Variants in NEDD4L observed in about 807,000 individuals in gnomAD.
The protein encoded by NEDD4L is E3 ubiquitin-protein ligase NEDD4-like.
In NEDD4L, 54 loss-of-function variants were observed where a neutral mutation model predicts 148.9. The ratio of observed to expected loss-of-function variants is 0.36; its 90% CI spans 0.29 to 0.45. NEDD4L has a LOEUF of 0.45. NEDD4L is among the 20% of genes least tolerant of loss of function. The probability of loss-of-function intolerance (pLI) is 1.00; values close to 1 mark genes in which losing one functional copy is unlikely to be tolerated. For missense variants in NEDD4L, 856 were observed against 1,233.8 expected, an observed-to-expected ratio of 0.69 and a Z score of 4.59; for synonymous variants, 433 against 440.7, an observed-to-expected ratio of 0.98 and a Z score of 0.22.
At chr18:58,232,766 G>A (rs2045399658) in intron 2 of NEDD4L, among the ~76,000 whole-genome samples, 1 of 152,130 alleles carries the variant, frequency 6.6e-6, no homozygotes, top group Admixed American at 6.5e-5. Flanking sequence ...TGGTTTGTTT[G>A]CACATTTAAT....
At chr18:58,280,757 A>G (rs1039387110) in intron 5 of NEDD4L, among the ~76,000 whole-genome samples, 1 of 152,180 alleles carries the variant, frequency 6.6e-6, no homozygotes, top group African/African-American at 2.4e-5. Context: ...GTCTCCAACC[A>G]TCATTACTAT....
chr18:58,304,515 A>G (rs1162405798), intron 5 of NEDD4L, among the ~76,000 whole-genome samples: 2 of 152,176 alleles, frequency 1.3e-5, no homozygotes, highest in East Asian at 3.9e-4. Context: ...CTCTGTCTCA[A>G]TTAAAAAAGA....
In NEDD4L at chr18:58,065,317, G is replaced by A. The variant is rs936968146; in HGVS notation, c.48+20609G>A. Among the ~76,000 whole-genome samples the A allele has an allele frequency of 2.6e-5, 4 of 152,254 alleles. No individual in the cohort carries two copies. In the East Asian group the frequency reaches 7.7e-4, roughly 29 times the overall value. Reference sequence around the variant, plus strand: ...AAGTGGCAATTGCTTTTGTTGTATTGTTTAAAGGCAAACAAAAATCAATTA... The same window carrying A: ...AAGTGGCAATTGCTTTTGTTGTATTATTTAAAGGCAAACAAAAATCAATTA... On this transcript the variant is annotated intron_variant, in intron 1 of 30. Coordinates refer to ENST00000400345, the MANE Select transcript of NEDD4L (RefSeq NM_001144967.3).
At chr18:58,257,830 T>A (rs750722858) in intron 5 of NEDD4L, among the ~76,000 whole-genome samples, 3 of 152,200 alleles carry the variant, frequency 2.0e-5, no homozygotes, top group African/African-American at 4.8e-5. Flanking sequence ...ACAAGCTCCT[T>A]ATATTTTGAA....
At chr18:58,383,443 A>C (rs2048601190) in intron 25 of NEDD4L, 124 bp downstream of exon 25, 5 of 624,858 alleles carry the variant, frequency 8.0e-6, no homozygotes, top group Non-Finnish European at 1.4e-5. Flanking sequence ...GTTTTCAACA[A>C]GGTAAGTTCT....
chr18:58,104,338 C>T (rs1338953384), intron 1 of NEDD4L, among the ~76,000 whole-genome samples: 3 of 152,092 alleles, frequency 2.0e-5, no homozygotes, highest in African/African-American at 7.2e-5. Flanking sequence ...GGCTGGGGCG[C>T]GGTAGGGAAA....
At chr18:58,298,290 C>T (rs1008967080) in intron 5 of NEDD4L, among the ~76,000 whole-genome samples, 3 of 152,076 alleles carry the variant, frequency 2.0e-5, no homozygotes, top group African/African-American at 7.2e-5. Flanking sequence ...ACCTGAATTT[C>T]TTTGGGTTGT....
chr18:58,216,260 G>A (rs2043147557), intron 2 of NEDD4L, among the ~76,000 whole-genome samples: 1 of 152,116 alleles, frequency 6.6e-6, no homozygotes, highest in Non-Finnish European at 1.5e-5. Context: ...AGGTCAGTGG[G>A]GCTGGGGAAG....
chr18:58,123,788 C>A (rs944031244), intron 1 of NEDD4L, among the ~76,000 whole-genome samples: 1 of 152,058 alleles, frequency 6.6e-6, no homozygotes, highest in Admixed American at 6.5e-5. Context: ...TCAGTGAGAC[C>A]CCCTGTCTCG....
intron 1 of NEDD4L, among the ~76,000 whole-genome samples, chr18:58,129,288 C>T (rs544515504): frequency 1.9e-4 from 29 of 152,320 alleles, no homozygotes; most frequent in African/African-American, 6.7e-4. Context: ...GTGAGAAAAA[C>T]ACAACGGTGG....
intron 2 of NEDD4L, among the ~76,000 whole-genome samples, chr18:58,215,711 A>G (rs1226439216): frequency 6.6e-6 from 1 of 152,134 alleles, no homozygotes; most frequent in Non-Finnish European, 1.5e-5. Flanking sequence ...CTAAGTCTGA[A>G]AAAAAATAGA....
chr18:58,297,607 C>A (rs914921611), intron 5 of NEDD4L, among the ~76,000 whole-genome samples: 2 of 152,126 alleles, frequency 1.3e-5, no homozygotes, highest in Non-Finnish European at 2.9e-5. Context: ...AGGCTGAAAA[C>A]TGGCCCACAG....
rs76157013 is a variant in NEDD4L at position 58,280,426 on chromosome 18, C to T, written c.297+28372C>T. 7.9e-3 allele frequency among the ~76,000 whole-genome samples: 1,202 copies of T among 152,248 alleles called. 10 individuals are homozygous for T. Among genetic ancestry groups the T allele is most frequent in the Non-Finnish European group, 0.013 (883 of 68,016 alleles). ...TTCTGGGCAGGGGTTGAGGGAGGCACATGTGAGCTGGACTTTGAATAAAAA... is the reference window on the plus strand; with the variant it reads ...TTCTGGGCAGGGGTTGAGGGAGGCATATGTGAGCTGGACTTTGAATAAAAA... On this transcript the variant is annotated intron_variant, in intron 5 of 30. Transcript: ENST00000400345.
chr18:58,341,753 C>T lies in NEDD4L; in HGVS notation c.1333C>T (p.Arg445Cys), dbSNP rs1131690797. The T allele has an allele frequency of 6.2e-7, 1 of 1,613,842 alleles. No homozygotes were observed. The highest frequency in any genetic ancestry group is 8.5e-7 in the Non-Finnish European group (1 of 1,179,858). ...HLIEPQIRRP[R>C]SLSSPTVTLS... Reference sequence around the variant, plus strand: ...AATCGAGCCTCAGATCCGCCGGCCTCGTAGCCTCAGCTCGCCAACAGTAAC... The same window carrying T: ...AATCGAGCCTCAGATCCGCCGGCCTTGTAGCCTCAGCTCGCCAACAGTAAC... Residue 445 changes from arginine to cysteine, a missense_variant, in exon 15 of 31, where the codon CGT (arginine) becomes TGT (cysteine). Transcript: ENST00000400345.
intron 1 of NEDD4L, among the ~76,000 whole-genome samples, chr18:58,057,839 A>G (rs1346722220): frequency 6.6e-6 from 1 of 152,200 alleles, no homozygotes; most frequent in African/African-American, 2.4e-5. Context: ...AAAATAGCCT[A>G]GAATGAAGAG....
chr18:58,355,049 C>T (rs949443307), intron 18 of NEDD4L, among the ~76,000 whole-genome samples: 1 of 152,088 alleles, frequency 6.6e-6, no homozygotes, highest in African/African-American at 2.4e-5. Flanking sequence ...TGTGGGGACT[C>T]GGGCTCAAGC....
chr18:58,316,369 GTC>G (rs2058264006), intron 6 of NEDD4L, among the ~76,000 whole-genome samples: 1 of 152,164 alleles, frequency 6.6e-6, no homozygotes, highest in African/African-American at 2.4e-5. Context: ...GTCACTTACT[GTC>G]TCTGCTTCCT....
intron 6 of NEDD4L, among the ~76,000 whole-genome samples, chr18:58,320,646 G>T (rs1261820743): frequency 6.6e-6 from 1 of 152,158 alleles, no homozygotes; most frequent in African/African-American, 2.4e-5. Flanking sequence ...AGACCCCCAT[G>T]TCTATAAAAA....
chr18:58,374,705 C>A (rs1162175547), intron 24 of NEDD4L, among the ~76,000 whole-genome samples: 1 of 151,676 alleles, frequency 6.6e-6, no homozygotes, highest in Non-Finnish European at 1.5e-5. Flanking sequence ...GAGACACCTG[C>A]AAGGCACAGT....
Sources: gnomAD v4.1 joint callset for allele counts (sites outside exome capture counted in the v4.1 genomes callset) on GRCh38, gnomAD v4.1.1 for gene constraint, MANE v1.5 for transcripts, NCBI Gene and HGNC (gene_info 2026-07-23, HGNC 2026-07-21) for gene names.